Variants in HYCC1 observed in about 807,000 individuals in gnomAD.
The protein encoded by HYCC1 is hyccin PI4KA lipid kinase complex subunit 1.
the HYCC1 span, chr7:22,945,953 C>T: frequency 1.2e-6 from 2 of 1,613,794 alleles, no homozygotes; most frequent in Non-Finnish European, 1.7e-6. Flanking sequence ...GTGATCTTTG[C>T]AAGATTCCCC....
At chr7:22,983,126 C>T in the HYCC1 span, among the ~76,000 whole-genome samples, 31 of 152,002 alleles carry the variant, frequency 2.0e-4, no homozygotes, top group African/African-American at 6.5e-4. Context: ...CCCAGGAGTT[C>T]GGGACCAGCC....
chr7:22,990,782 T>G, the HYCC1 span, among the ~76,000 whole-genome samples: 3 of 152,236 alleles, frequency 2.0e-5, no homozygotes, highest in South Asian at 6.2e-4. Flanking sequence ...CGCTGGAGAA[T>G]GACATCAACA....
the HYCC1 span, among the ~76,000 whole-genome samples, chr7:22,962,856 T>C: frequency 3.5e-5 from 5 of 141,116 alleles, no homozygotes; most frequent in African/African-American, 1.3e-4. Flanking sequence ...GGTGAGAACA[T>C]GGAAAGAAAC....
chr7:22,943,376 G>A, the HYCC1 span: 1 of 152,026 alleles, frequency 6.6e-6, no homozygotes, highest in Non-Finnish European at 1.5e-5. Flanking sequence ...AATCACTTGG[G>A]AACCTTGTTA....
At chr7:22,952,195 G>A in the HYCC1 span, among the ~76,000 whole-genome samples, 37 of 151,930 alleles carry the variant, frequency 2.4e-4, no homozygotes, top group South Asian at 7.5e-3. Flanking sequence ...TCGGAACCAA[G>A]TAAACAAGAT....
chr7:22,935,113 G>C, the HYCC1 span: 1 of 152,212 alleles, frequency 6.6e-6, no homozygotes, highest in Non-Finnish European at 1.5e-5. Flanking sequence ...GTCTTCTAGA[G>C]TCCTGTTTAG....
the HYCC1 span, among the ~76,000 whole-genome samples, chr7:22,908,049 T>C: frequency 6.6e-6 from 1 of 152,206 alleles, no homozygotes; most frequent in Non-Finnish European, 1.5e-5. Context: ...GTCTGAGGGC[T>C]GCCCTCAAGC....
the HYCC1 span, among the ~76,000 whole-genome samples, chr7:22,959,584 G>A: frequency 1.3e-5 from 2 of 152,064 alleles, no homozygotes; most frequent in South Asian, 2.1e-4. Flanking sequence ...CTAGGTAGGA[G>A]GGAAGTTATA....
the HYCC1 span, among the ~76,000 whole-genome samples, chr7:22,924,399 G>A: frequency 2.6e-5 from 4 of 152,288 alleles, no homozygotes; most frequent in East Asian, 3.9e-4. Flanking sequence ...CCTCACCCGG[G>A]AAACACAAGG....
chr7:22,958,112 G>A, the HYCC1 span, among the ~76,000 whole-genome samples: 1 of 151,998 alleles, frequency 6.6e-6, no homozygotes, highest in African/African-American at 2.4e-5. Context: ...CCCACAGGAA[G>A]CCAGTGCCTG....
At chr7:22,976,617 T>A in the HYCC1 span, 1 of 888,618 alleles carries the variant, frequency 1.1e-6, no homozygotes, top group Non-Finnish European at 1.9e-6. Flanking sequence ...CATTAAACAT[T>A]ATTTATAAGT....
chr7:22,987,562 G>A, the HYCC1 span, among the ~76,000 whole-genome samples: 13 of 152,090 alleles, frequency 8.5e-5, no homozygotes, highest in Admixed American at 3.3e-4. Context: ...TTTAAAAAAA[G>A]AAAATACTAA....
At chr7:22,922,715 T>A in the HYCC1 span, among the ~76,000 whole-genome samples, 1 of 152,028 alleles carries the variant, frequency 6.6e-6, no homozygotes, top group Non-Finnish European at 1.5e-5. Flanking sequence ...AGTAAAAGTA[T>A]GGGAAAAGAT....
chr7:22,920,510 A>G, the HYCC1 span, among the ~76,000 whole-genome samples: 1 of 152,152 alleles, frequency 6.6e-6, no homozygotes, highest in East Asian at 1.9e-4. Context: ...TGAATCTTAT[A>G]TCTAGCAAAA....
At chr7:22,961,300 C>G in the HYCC1 span, 1,407 of 1,597,346 alleles carry the variant, frequency 8.8e-4, no homozygotes, top group Non-Finnish European at 1.2e-3. Flanking sequence ...GCTTTTTGAG[C>G]TAGATCCCAT....
chr7:22,966,628 T>C, the HYCC1 span, among the ~76,000 whole-genome samples: 7 of 152,184 alleles, frequency 4.6e-5, no homozygotes, highest in Non-Finnish European at 7.3e-5. Context: ...TACTAGCCAA[T>C]AGATTGTAAT....
chr7:22,943,764 A>C, the HYCC1 span: 2 of 152,626 alleles, frequency 1.3e-5, no homozygotes, highest in Non-Finnish European at 2.9e-5. Flanking sequence ...AAATATTTTA[A>C]ATTGTACACA....
the HYCC1 span, among the ~76,000 whole-genome samples, chr7:23,006,998 C>G: frequency 6.6e-6 from 1 of 152,142 alleles, no homozygotes; most frequent in Non-Finnish European, 1.5e-5. Flanking sequence ...ATCTTGAACA[C>G]TCAACGAATT....
chr7:22,993,143 C>T, the HYCC1 span, among the ~76,000 whole-genome samples: 1 of 152,084 alleles, frequency 6.6e-6, no homozygotes, highest in Admixed American at 6.6e-5. Context: ...GGAAAGGATG[C>T]TCTTTATAAT....
Sources: allele counts gnomAD v4.1 joint callset (sites outside exome capture counted in the v4.1 genomes callset), GRCh38; gene constraint gnomAD v4.1.1; transcripts MANE v1.5; gene names NCBI Gene and HGNC (gene_info 2026-07-23, HGNC 2026-07-21).